TNXB: variants seen among roughly 807,000 people sequenced by gnomAD.
TNXB encodes tenascin-X.
TNXB carries 183 observed loss-of-function variants against 340.5 expected under a neutral mutation model. The ratio of observed to expected loss-of-function variants is 0.54; its 90% CI spans 0.48 to 0.61. The LOEUF (loss-of-function observed/expected upper bound fraction) is 0.61, where lower values mean the gene tolerates loss of function less well. Ranked by LOEUF, TNXB falls within the 20% of genes least tolerant of loss-of-function variation. The pLI is 0.00. For synonymous variants in TNXB, 2,121 were observed against 2,314.5 expected, an observed-to-expected ratio of 0.92 and a Z score of 2.40; for missense variants, 4,613 against 5,446.4, an observed-to-expected ratio of 0.85 and a Z score of 4.82.
chr6:32,084,291 A>C lies in TNXB; in HGVS notation c.3445+122T>G. ...GCCCCACCACTACTTTCCCTTCAGA[A>C]TTCAGCTCATGCACCACTGCCTCCA... On this transcript the variant is annotated intron_variant, in intron 8 of 43. Coordinates refer to ENST00000644971, the MANE Select transcript of TNXB (RefSeq NM_001365276.2). This position sits in a 1 kb window ranked among gnomAD's most constrained non-coding sequence, Gnocchi z 5.5. 2.0e-6 allele frequency: 2 copies of C among 979,076 alleles called. No homozygotes were observed. Among genetic ancestry groups the C allele is most frequent in the Non-Finnish European group, 2.9e-6 (2 of 694,184 alleles). The allele number at this position is 979,076 out of a possible 1,614,324, so 60.6% of individuals were successfully genotyped here.
In TNXB at chr6:32,073,968, TA is replaced by T; in HGVS notation, c.4376-17del. ...TGTTGTGGGGCTGGGACAGAGATGG[TA>T]GGGGGCTGTTAGTAAAGAATCCCCC... On this transcript the variant is annotated splice_polypyrimidine_tract_variant and intron_variant, in intron 11 of 43. Coordinates refer to ENST00000644971, the MANE Select transcript of TNXB (RefSeq NM_001365276.2). This position sits in a 1 kb window ranked among gnomAD's most constrained non-coding sequence, Gnocchi z 4.6. 13 of 1,561,590 alleles carry T rather than the reference TA, an allele frequency of 8.3e-6. No homozygotes were observed. Among genetic ancestry groups the T allele is most frequent in the Non-Finnish European group, 1.1e-5 (13 of 1,150,720 alleles).
chr6:32,048,703 G>A (rs1174518263), intron 28 of TNXB, 53 bp from the exon 29 acceptor site: 8 of 1,373,340 alleles, frequency 5.8e-6, no homozygotes, highest in Non-Finnish European at 7.5e-6. Context: ...CTGCGCAAGG[G>A]AGGCAGTGCT....
At position 32,061,732 on chromosome 6, in the gene TNXB, G is replaced by A; in HGVS notation, c.7169-12C>T. On this transcript the variant is annotated splice_polypyrimidine_tract_variant and intron_variant, in intron 20 of 43. Transcript: ENST00000644971. The surrounding 1 kb of genome is among the most constrained non-coding windows in gnomAD (Gnocchi z 4.4). ...CTCTTCCTCTGCAGCTGAGAAAAAG[G>A]GACACAGAGAGGATGGCAGGGTCCC... 5.0e-6 allele frequency: 8 copies of A among 1,608,118 alleles called. No homozygotes were observed. The highest frequency in any genetic ancestry group is 6.8e-6 in the Non-Finnish European group (8 of 1,176,444).
At position 32,081,334 on chromosome 6, in the gene TNXB, A is replaced by G. The variant is rs1779412020; in HGVS notation, c.4042+34T>C. On this transcript the variant is annotated intron_variant, in intron 10 of 43. Transcript: ENST00000644971. This position sits in a 1 kb window ranked among gnomAD's most constrained non-coding sequence, Gnocchi z 5.1. ...CAAGTCCCGCTCACAGGATGGGGCT[A>G]GCAGGGGAGGGAGGCCTGGCAGCCA... 6.6e-7 allele frequency: 1 copy of G among 1,512,140 alleles called. No individual in the cohort carries two copies. The allele number at this position is 1,512,140 out of a possible 1,614,324, so 93.7% of individuals were successfully genotyped here.
intron 1 of TNXB, among the ~76,000 whole-genome samples, chr6:32,099,042 T>A (rs3117182): frequency 0.9 from 137,595 of 152,224 alleles, 62,360 homozygotes; most frequent in African/African-American, 0.97. Flanking sequence ...TGGGAGCTCC[T>A]TGAGAACAAG....
rs773993131 is a variant in TNXB, at chr6:32,047,942, G to A, written c.10116C>T (p.Gly3372=). 2 of 1,612,340 alleles carry A rather than the reference G, an allele frequency of 1.2e-6. No homozygotes were observed. The highest frequency in any genetic ancestry group is 1.1e-5 in the South Asian group (1 of 90,948). The change falls in exon 30 of 44, where the codon GGC becomes GGT. Residue 3372 remains glycine, a synonymous_variant. Transcript: ENST00000644971. The surrounding 1 kb of genome is among the most constrained non-coding windows in gnomAD (Gnocchi z 6.2). ...CGCCCTCAGGGACCGTCCACGAGAGGCCCACGGAGTCAGGGGTCGCATCTG... is the reference window on the plus strand; with the variant it reads ...CGCCCTCAGGGACCGTCCACGAGAGACCCACGGAGTCAGGGGTCGCATCTG... The part of the protein sequence containing the change: ...TVTDATPDSV[G]LSWTVPEGEF...
rs1366605473 is a variant in TNXB, at chr6:32,096,955, C to T, written c.898G>A (p.Gly300Ser). ...CENGRCVCNP[G>S]YTGEDCGVRS... ...ACCCCACAGTCCTCGCCAGTGTAGC[C>T]GGGGTTACACACGCAGCGCCCATTC... The change falls in exon 3 of 44, where the codon GGC becomes AGC. Residue 300 changes from glycine (G) to serine (S), a missense_variant. This residue lies in a region of TNXB where 4,327 missense variants were observed against 4,859.4 expected (regional missense o/e 0.89). Coordinates refer to ENST00000644971, the MANE Select transcript of TNXB (RefSeq NM_001365276.2). 3.8e-6 allele frequency: 6 copies of T among 1,594,988 alleles called. No homozygotes were observed. The highest frequency in any genetic ancestry group is 2.7e-5 in the African/African-American group (2 of 74,636).
chr6:32,047,907 G>T lies in TNXB; in HGVS notation c.10151C>A (p.Ser3384Tyr). 6.2e-7 allele frequency: 1 copy of T among 1,612,716 alleles called. No homozygotes were observed. The highest frequency in any genetic ancestry group is 8.5e-7 in the Non-Finnish European group (1 of 1,179,734). ...CTTATCCTTGTACTGGACCACGAAG[G>T]AGTCGAATTCGCCCTCAGGGACCGT... Reference protein sequence around the residue: ...SWTVPEGEFDSFVVQYKDKDG... With the variant: ...SWTVPEGEFDYFVVQYKDKDG... The change falls in exon 30 of 44, where the codon TCC becomes TAC. Residue 3384 changes from serine (S) to tyrosine (Y), a missense_variant. By Grantham distance (144) the Ser-to-Tyr change is moderately radical (BLOSUM62 -2). Coordinates refer to ENST00000644971, the MANE Select transcript of TNXB (RefSeq NM_001365276.2). This position sits in a 1 kb window ranked among gnomAD's most constrained non-coding sequence, Gnocchi z 6.2.
chr6:32,062,634 T>A lies in TNXB; in HGVS notation c.6842-151A>T. ...CATTTTTCTGCTTTGAATGTTCAGT[T>A]AACACCACACCTGTGGTGAAGTCAT... On this transcript the variant is annotated intron_variant, in intron 19 of 43. Transcript: ENST00000644971. This position sits in a 1 kb window ranked among gnomAD's most constrained non-coding sequence, Gnocchi z 4.3. 2 of 794,352 alleles carry A rather than the reference T, an allele frequency of 2.5e-6. No individual in the cohort carries two copies. The highest frequency in any genetic ancestry group is 2.7e-5 in the East Asian group (1 of 37,174). The allele number at this position is 794,352 out of a possible 1,614,324, so 49.2% of individuals were successfully genotyped here. A position where few individuals can be genotyped will look rare whatever the true frequency, so the allele number is the denominator to read the frequency against.
chr6:32,054,257 C>G (rs978699742), intron 24 of TNXB, among the ~76,000 whole-genome samples: 8 of 152,298 alleles, frequency 5.3e-5, no homozygotes, highest in South Asian at 4.1e-4. Context: ...TACTGGCCTC[C>G]CTGCCTCCAG....
At position 32,069,594 on chromosome 6, in the gene TNXB, T is replaced by C. The variant is rs767552003; in HGVS notation, c.5546A>G (p.His1849Arg). Residue 1849 changes from histidine to arginine, a missense_variant, in exon 15 of 44, where the codon CAC becomes CGC. Around this residue, in one of 7 missense-constraint regions of TNXB, gnomAD observed 4,327 missense variants for 4,859.4 expected, o/e 0.89. Transcript: ENST00000644971. This position sits in a 1 kb window ranked among gnomAD's most constrained non-coding sequence, Gnocchi z 6.2. ...RYKLLLYGLH[H>R]GKRVGPISAV... Reference sequence around the variant, plus strand: ...CGAGATGGGGCCCACACGCTTGCCGTGGTGCAGCCCGTAGAGCAGCAGCTT... The same window carrying C: ...CGAGATGGGGCCCACACGCTTGCCGCGGTGCAGCCCGTAGAGCAGCAGCTT... 8 of 1,595,138 alleles carry C rather than the reference T, an allele frequency of 5.0e-6. No homozygotes were observed. The South Asian group carries it at 6.7e-5, about 13-fold the overall frequency.
In TNXB at chr6:32,069,984, TA is replaced by T; in HGVS notation, c.5279-124del. ...GTGGCTGAGTCCTGCCGGGCTGTGC[TA>T]GGGGCTTGTGCAGGGACGTGGGGAG... On this transcript the variant is annotated intron_variant, in intron 14 of 43. Transcript: ENST00000644971. This position sits in a 1 kb window ranked among gnomAD's most constrained non-coding sequence, Gnocchi z 6.2. 3.6e-6 allele frequency: 5 copies of T among 1,374,770 alleles called. No homozygotes were observed. Among genetic ancestry groups the T allele is most frequent in the Non-Finnish European group, 4.8e-6 (5 of 1,036,040 alleles). The allele number at this position is 1,374,770 out of a possible 1,614,324, so 85.2% of individuals were successfully genotyped here.
intron 19 of TNXB, among the ~76,000 whole-genome samples, chr6:32,063,019 C>T (rs1778122051): frequency 6.6e-6 from 1 of 152,020 alleles, no homozygotes; most frequent in African/African-American, 2.4e-5. Context: ...CACGCCACTG[C>T]ACTCCATCCT....
rs878879249 is a variant in TNXB at position 32,067,132 on chromosome 6, G to GAAGGAAGGAAGGAAGAAAGAAAGA, written c.6544+528_6544+529insTCTTTCTTTCTTCCTTCCTTCCTT. On this transcript the variant is annotated intron_variant, in intron 18 of 43. Transcript: ENST00000644971. This position sits in a 1 kb window ranked among gnomAD's most constrained non-coding sequence, Gnocchi z 4.2. ...AAGAAAGAGAAAGAAAGAAAGGAAGGAAGAAAGAAAGAAAGAAAGAAAGAA... is the reference window on the plus strand; with the variant it reads ...AAGAAAGAGAAAGAAAGAAAGGAAGGAAGGAAGGAAGGAAGAAAGAAAGAAAGAAAGAAAGAAAGAAAGAAAGAA... Among the ~76,000 whole-genome samples, 37 of 118,076 alleles carry GAAGGAAGGAAGGAAGAAAGAAAGA rather than the reference G, an allele frequency of 3.1e-4. No homozygotes were observed. Among genetic ancestry groups the GAAGGAAGGAAGGAAGAAAGAAAGA allele is most frequent in the African/African-American group, 1.1e-3 (34 of 30,504 alleles). The allele number at this position is 118,076 out of a possible 152,430, so 77.5% of individuals were successfully genotyped here.
intron 1 of TNXB, among the ~76,000 whole-genome samples, chr6:32,103,857 G>A (rs1037703467): frequency 6.7e-6 from 1 of 149,796 alleles, no homozygotes; most frequent in Non-Finnish European, 1.5e-5. Context: ...TCAGCCTCCC[G>A]AGTAGCTGGG....
Position 32,067,132 on chromosome 6 carries a change from G to GAAGGAAGGAAGAAAGAAAGAAAGA in TNXB, c.6544+528_6544+529insTCTTTCTTTCTTTCTTCCTTCCTT, listed in dbSNP as rs878879249. 2.5e-5 allele frequency among the ~76,000 whole-genome samples: 3 copies of GAAGGAAGGAAGAAAGAAAGAAAGA among 117,996 alleles called. No homozygotes were observed. The highest frequency in any genetic ancestry group is 9.2e-5 in the Admixed American group (1 of 10,842). The allele number at this position is 117,996 out of a possible 152,430, so 77.4% of individuals were successfully genotyped here. On this transcript the variant is annotated intron_variant, in intron 18 of 43. Coordinates refer to ENST00000644971, the MANE Select transcript of TNXB (RefSeq NM_001365276.2). This position sits in a 1 kb window ranked among gnomAD's most constrained non-coding sequence, Gnocchi z 4.2. ...AAGAAAGAGAAAGAAAGAAAGGAAG[G>GAAGGAAGGAAGAAAGAAAGAAAGA]AAGAAAGAAAGAAAGAAAGAAAGAA...
rs558092512 is a variant in TNXB, at chr6:32,075,689, C to T, written c.4376-1737G>A. Among the ~76,000 whole-genome samples the T allele has an allele frequency of 6.6e-6, 1 of 152,350 alleles. No homozygotes were observed. The highest frequency in any genetic ancestry group is 2.1e-4 in the South Asian group (1 of 4,828). The stretch of plus-strand genomic sequence containing the variant: ...CTCTGCTTTATTCACTGCTGTGTCC[C>T]AGTCCCTGGCACACAGTAGGTGCTC... On this transcript the variant is annotated intron_variant, in intron 11 of 43. Coordinates refer to ENST00000644971, the MANE Select transcript of TNXB (RefSeq NM_001365276.2). This position sits in a 1 kb window ranked among gnomAD's most constrained non-coding sequence, Gnocchi z 4.6.
Position 32,069,500 on chromosome 6 carries a change from C to T in TNXB, c.5587+53G>A. 6.7e-7 allele frequency: 1 copy of T among 1,502,982 alleles called. No individual in the cohort carries two copies. The highest frequency in any genetic ancestry group is 2.3e-5 in the East Asian group (1 of 43,924). The allele number at this position is 1,502,982 out of a possible 1,614,324, so 93.1% of individuals were successfully genotyped here. A position where few individuals can be genotyped will look rare whatever the true frequency, so the allele number is the denominator to read the frequency against. ...CAGAGATCTTATGGCTCAGTCAGAC[C>T]AGGAGAGCCAGGCGGGAAGGAGGCA... On this transcript the variant is annotated intron_variant, in intron 15 of 43. Transcript: ENST00000644971. This position sits in a 1 kb window ranked among gnomAD's most constrained non-coding sequence, Gnocchi z 6.2.
Position 32,097,733 on chromosome 6 carries a change from TTATGG to T in TNXB, c.403+58_403+62del. The T allele has an allele frequency of 6.8e-7, 1 of 1,473,812 alleles. No individual in the cohort carries two copies. Among genetic ancestry groups the T allele is most frequent in the South Asian group, 1.5e-5 (1 of 67,576 alleles). 91.3% of individuals were successfully genotyped at this position (1,473,812 alleles called of 1,614,324 possible). A position where few individuals can be genotyped will look rare whatever the true frequency, so the allele number is the denominator to read the frequency against. On this transcript the variant is annotated intron_variant, in intron 2 of 43. Coordinates refer to ENST00000644971, the MANE Select transcript of TNXB (RefSeq NM_001365276.2). The surrounding 1 kb of genome is among the most constrained non-coding windows in gnomAD (Gnocchi z 5.9). ...TTCTTCTAATTCATACCAAGGACCT[TTATGG>T]ACTAGCAATGCCCACCCCACCCCAC...
Sources: allele counts gnomAD v4.1 joint callset (sites outside exome capture counted in the v4.1 genomes callset), GRCh38; gene constraint gnomAD v4.1.1; regional missense constraint gnomAD v4.1.1; non-coding constraint Gnocchi (gnomAD v3.1); transcripts MANE v1.5; gene names NCBI Gene and HGNC (gene_info 2026-07-23, HGNC 2026-07-21).